Variants in CADPS observed in about 807,000 individuals in gnomAD.
CADPS encodes calcium dependent secretion activator.
In CADPS, 57 loss-of-function variants were observed where a neutral mutation model predicts 167.3. The observed-to-expected ratio is 0.34, with a 90% confidence interval of 0.28 to 0.42. CADPS has a LOEUF of 0.42. Ranked by LOEUF, CADPS falls within the 20% of genes least tolerant of loss-of-function variation. The pLI is 1.00. For synonymous variants in CADPS, 676 were observed against 635.3 expected, an observed-to-expected ratio of 1.06 and a Z score of -0.96; for missense variants, 1,414 against 1,738.1, an observed-to-expected ratio of 0.81 and a Z score of 3.32.
At chr3:62,711,600 G>C (rs1403102663) in intron 3 of CADPS, among the ~76,000 whole-genome samples, 1 of 152,214 alleles carries the variant, frequency 6.6e-6, no homozygotes, top group Non-Finnish European at 1.5e-5. Flanking sequence ...CCAGCTTGGT[G>C]ATTTTCCCTG....
At chr3:62,507,754 CT>C (rs2066956160) in intron 17 of CADPS, among the ~76,000 whole-genome samples, 1 of 152,136 alleles carries the variant, frequency 6.6e-6, no homozygotes, top group Admixed American at 6.5e-5. Context: ...TGAAGAAGCA[CT>C]GTTTTATGAT....
intron 26 of CADPS, among the ~76,000 whole-genome samples, chr3:62,459,451 C>A (rs1029173995): frequency 2.0e-5 from 3 of 152,208 alleles, no homozygotes; most frequent in African/African-American, 7.2e-5. Context: ...CTCCTTCTGG[C>A]CTGGCCTTTC....
intron 1 of CADPS, among the ~76,000 whole-genome samples, chr3:62,849,423 T>C (rs1213490237): frequency 2.5e-5 from 3 of 117,822 alleles, no homozygotes; most frequent in African/African-American, 6.5e-5. Context: ...TTGTCATAGA[T>C]AGCTCTTATT....
chr3:62,617,548 T>A (rs146947433), intron 6 of CADPS, among the ~76,000 whole-genome samples: 1 of 152,142 alleles, frequency 6.6e-6, no homozygotes, highest in African/African-American at 2.4e-5. Context: ...AGGGGGCTCA[T>A]AGGCTGGTGG....
intron 1 of CADPS, among the ~76,000 whole-genome samples, chr3:62,850,614 T>A (rs1434034650): frequency 2.0e-5 from 3 of 147,578 alleles, no homozygotes; most frequent in Admixed American, 1.4e-4. Context: ...TGAGTTCTAG[T>A]TTGATTGCAC....
chr3:62,688,354 T>TTTGTGTTCC (rs2078482292), intron 3 of CADPS, among the ~76,000 whole-genome samples: 1 of 152,208 alleles, frequency 6.6e-6, no homozygotes, highest in Non-Finnish European at 1.5e-5. Flanking sequence ...CCTTTGTTAC[T>TTTGTGTTCC]CATCTCTAAG....
chr3:62,785,823 G>A (rs1195211539), intron 1 of CADPS, among the ~76,000 whole-genome samples: 2 of 150,988 alleles, frequency 1.3e-5, no homozygotes, highest in Non-Finnish European at 2.9e-5. Flanking sequence ...TGTGTCTTGA[G>A]ATGTTAGCTA....
Position 62,403,188 on chromosome 3 carries a change from G to GA in CADPS, c.3778-4dup. The GA allele has an allele frequency of 1.2e-6, 2 of 1,607,830 alleles. No homozygotes were observed. The highest frequency in any genetic ancestry group is 1.7e-6 in the Non-Finnish European group (2 of 1,175,044). On this transcript the variant is annotated splice_region_variant and splice_polypyrimidine_tract_variant and intron_variant, in intron 28 of 29. Transcript: ENST00000383710. ...TTCATGGAGCTGTTGTACCATTGCT[G>GA]AAAAAAGAGACAAAAGTTCTCCAGC...
intron 9 of CADPS, among the ~76,000 whole-genome samples, chr3:62,569,557 A>G (rs1341843217): frequency 6.6e-6 from 1 of 152,236 alleles, no homozygotes; most frequent in Non-Finnish European, 1.5e-5. Context: ...GCGGCACAGC[A>G]GAGACTTAAG....
chr3:62,444,438 G>T (rs187351407), intron 27 of CADPS, among the ~76,000 whole-genome samples: 5 of 152,124 alleles, frequency 3.3e-5, no homozygotes, highest in Non-Finnish European at 7.4e-5. Flanking sequence ...AGGTATTATC[G>T]TCATCTCCAT....
At chr3:62,839,738 C>T (rs182713620) in intron 1 of CADPS, among the ~76,000 whole-genome samples, 273 of 152,260 alleles carry the variant, frequency 1.8e-3, no homozygotes, top group Non-Finnish European at 2.0e-3. Flanking sequence ...GGATGGAAAA[C>T]GGCAAGAACC....
chr3:62,627,035 A>G (rs1197603367), intron 6 of CADPS, among the ~76,000 whole-genome samples: 1 of 152,114 alleles, frequency 6.6e-6, no homozygotes, highest in African/African-American at 2.4e-5. Flanking sequence ...TTTTCCTATG[A>G]AACCTCATCA....
rs1297629099 is a variant in CADPS, at chr3:62,514,966, C to T, written c.2581+1093G>A. 6.6e-6 allele frequency among the ~76,000 whole-genome samples: 1 copy of T among 152,118 alleles called. No homozygotes were observed. Among genetic ancestry groups the T allele is most frequent in the African/African-American group, 2.4e-5 (1 of 41,428 alleles). On this transcript the variant is annotated intron_variant, in intron 16 of 29. Coordinates refer to ENST00000383710, the MANE Select transcript of CADPS (RefSeq NM_003716.4). This position sits in a 1 kb window ranked among gnomAD's most constrained non-coding sequence, Gnocchi z 4.2. ...TAAGTGTTTCTCCCTGGATGCATAA[C>T]AGTGAATTCATTACCACTGGTACAC...
chr3:62,665,852 C>A (rs752627270), intron 3 of CADPS, among the ~76,000 whole-genome samples: 1 of 152,168 alleles, frequency 6.6e-6, no homozygotes, highest in Non-Finnish European at 1.5e-5. Flanking sequence ...TTAATGAGAC[C>A]TGAGGTTGTC....
intron 2 of CADPS, among the ~76,000 whole-genome samples, chr3:62,765,155 G>A (rs2086521170): frequency 6.6e-6 from 1 of 152,172 alleles, no homozygotes; most frequent in Admixed American, 6.5e-5. Flanking sequence ...GGAAGGTATG[G>A]CATGTCCACT....
chr3:62,792,829 C>G (rs749580137), intron 1 of CADPS, among the ~76,000 whole-genome samples: 1 of 152,084 alleles, frequency 6.6e-6, no homozygotes, highest in Non-Finnish European at 1.5e-5. Context: ...AACTCCTGGC[C>G]TCAGGTGATC....
At chr3:62,678,483 G>C (rs192819328) in intron 3 of CADPS, among the ~76,000 whole-genome samples, 144 of 151,856 alleles carry the variant, frequency 9.5e-4, no homozygotes, top group Non-Finnish European at 1.7e-3. Context: ...TAACATCTGT[G>C]TTTCTCAGGA....
intron 7 of CADPS, 133 bp from the exon 8 acceptor site, chr3:62,585,457 AAC>A (rs1216967154): frequency 3.7e-6 from 3 of 811,654 alleles, no homozygotes; most frequent in African/African-American, 1.7e-5. Context: ...TGGGGATAGA[AAC>A]ACATTCTTTT....
chr3:62,400,043 G>A (rs1559883725), intron 29 of CADPS, among the ~76,000 whole-genome samples: 1 of 152,170 alleles, frequency 6.6e-6, no homozygotes, highest in African/African-American at 2.4e-5. Flanking sequence ...AACTGCATAA[G>A]CTGTACTGAT....
Sources: gnomAD v4.1 joint callset for allele counts (sites outside exome capture counted in the v4.1 genomes callset) on GRCh38, gnomAD v4.1.1 for gene constraint, Gnocchi (gnomAD v3.1) non-coding constraint, MANE v1.5 for transcripts, NCBI Gene and HGNC (gene_info 2026-07-23, HGNC 2026-07-21) for gene names.